The following GIT1 variants were observed in gnomAD, a reference collection of about 807,000 sequenced individuals.
The protein encoded by GIT1 is GIT ArfGAP 1, also known as ARF GTPase-activating protein GIT1.
In GIT1, 14 loss-of-function variants were observed where a neutral mutation model predicts 91.7. That is an observed-to-expected ratio of 0.15 (90% confidence interval 0.10 to 0.24). The LOEUF (loss-of-function observed/expected upper bound fraction) is 0.24, where lower values mean the gene tolerates loss of function less well. Among genes scored for constraint, GIT1 ranks in the 10% least tolerant of loss-of-function variants. The pLI, the probability that GIT1 is intolerant of heterozygous loss-of-function variation, is 1.00. For synonymous variants in GIT1, 414 were observed against 418.2 expected (o/e 0.99, Z 0.12); for missense variants, 717 against 1,024.9 (o/e 0.70, Z 4.10).
rs1000551274 is a variant in GIT1, at chr17:29,574,498, G to A, written c.*204C>T. ...AGAGGGGAGGTGCATGGAATGTGGGGGACAGAAGCTCCTGCCCCCCCACCT... is the reference window on the plus strand; with the variant it reads ...AGAGGGGAGGTGCATGGAATGTGGGAGACAGAAGCTCCTGCCCCCCCACCT... On this transcript the variant is annotated 3_prime_UTR_variant, in exon 20 of 20. Transcript: ENST00000225394. 4.7e-6 allele frequency: 3 copies of A among 637,808 alleles called. No homozygotes were observed. Among genetic ancestry groups the A allele is most frequent in the Non-Finnish European group, 8.4e-6 (3 of 355,900 alleles). The allele number at this position is 637,808 out of a possible 1,614,324, so 39.5% of individuals were successfully genotyped here.
chr17:29,580,086 A>G (rs2033347046), intron 7 of GIT1, among the ~76,000 whole-genome samples: 1 of 151,414 alleles, frequency 6.6e-6, no homozygotes, highest in South Asian at 2.1e-4. Flanking sequence ...CTCTTGCTGC[A>G]CTCCCCCATG....
chr17:29,574,987 T>G (rs932569399), intron 19 of GIT1, 73 bp from the exon 20 acceptor site: 1 of 1,485,566 alleles, frequency 6.7e-7, no homozygotes. Context: ...AGTTTGTCTG[T>G]GTCTCCACCC....
chr17:29,579,777 T>C (rs1477928561), intron 7 of GIT1, among the ~76,000 whole-genome samples: 2 of 151,476 alleles, frequency 1.3e-5, no homozygotes, highest in African/African-American at 2.4e-5. Flanking sequence ...AATCCTCTCC[T>C]CCCTGAAAAA....
intron 1 of GIT1, among the ~76,000 whole-genome samples, chr17:29,584,124 G>A (rs1450304761): frequency 6.6e-6 from 1 of 152,232 alleles, no homozygotes; most frequent in Non-Finnish European, 1.5e-5. Flanking sequence ...CATCATCACT[G>A]AGGGTGTAAG....
rs2033097346 is a variant in GIT1 at position 29,574,180 on chromosome 17, AGGTTGGGGC to A, written c.*513_*521del. 6.6e-6 allele frequency: 1 copy of A among 152,488 alleles called. No homozygotes were observed. The highest frequency in any genetic ancestry group is 6.5e-5 in the Admixed American group (1 of 15,290). The allele number at this position is 152,488 out of a possible 1,614,324, so 9.4% of individuals were successfully genotyped here. The stretch of plus-strand genomic sequence containing the variant: ...TTTGCTGCTGGGGACCCCAGCACAC[AGGTTGGGGC>A]CTGTGCCCTAGGCAGGGGCCATATG... On this transcript the variant is annotated 3_prime_UTR_variant, in exon 20 of 20. Coordinates refer to ENST00000225394, the MANE Select transcript of GIT1 (RefSeq NM_014030.4).
rs2033708226 is a variant in GIT1, at chr17:29,589,080, A to G, written c.52+247T>C. Among the ~76,000 whole-genome samples, 2 of 152,062 alleles carry G rather than the reference A, an allele frequency of 1.3e-5. No homozygotes were observed. Among genetic ancestry groups the G allele is most frequent in the South Asian group, 4.1e-4 (2 of 4,830 alleles). On this transcript the variant is annotated intron_variant, in intron 1 of 19. Transcript: ENST00000225394. This position sits in a 1 kb window ranked among gnomAD's most constrained non-coding sequence, Gnocchi z 5.2. ...GCTGCCCGCCTCCCTCAGACCGAGG[A>G]GCGGGAGGCGGCGCCGGGAACGTCC...
rs756793889 is a variant in GIT1, at chr17:29,574,547, G to A, written c.*155C>T. 2 of 715,426 alleles carry A rather than the reference G, an allele frequency of 2.8e-6. No individual in the cohort carries two copies. Among genetic ancestry groups the A allele is most frequent in the South Asian group, 3.2e-5 (2 of 62,912 alleles). The allele number at this position is 715,426 out of a possible 1,614,324, so 44.3% of individuals were successfully genotyped here. On this transcript the variant is annotated 3_prime_UTR_variant, in exon 20 of 20. Transcript: ENST00000225394. The stretch of plus-strand genomic sequence containing the variant: ...CTCCCCATCCTTAGGGGCTCGACAG[G>A]GGTGGGCACCAGGGCACCTGGCTGC...
Position 29,576,562 on chromosome 17 carries a change from T to C in GIT1, c.1340A>G (p.Asn447Ser). 1.2e-6 allele frequency: 2 copies of C among 1,614,006 alleles called. No homozygotes were observed. Among genetic ancestry groups the C allele is most frequent in the South Asian group, 2.2e-5 (2 of 91,088 alleles). The change falls in exon 13 of 20, where the codon AAC becomes AGC. Residue 447 changes from asparagine to serine, a missense_variant. By Grantham distance (46) the Asn-to-Ser change is conservative. Around this residue, in one of 3 missense-constraint regions of GIT1, gnomAD observed 312 missense variants for 349.5 expected, o/e 0.89. Coordinates refer to ENST00000225394, the MANE Select transcript of GIT1 (RefSeq NM_014030.4). ...CCGGAGCTCGTCGCTCAGGCTACTGTTGACCTTCATGAGCTGCTGCACCTT... is the reference window on the plus strand; with the variant it reads ...CCGGAGCTCGTCGCTCAGGCTACTGCTGACCTTCATGAGCTGCTGCACCTT... ...EAKVQQLMKV[N>S]SSLSDELRRL...
At position 29,575,236 on chromosome 17, in the gene GIT1, C is replaced by A; in HGVS notation, c.2009+52G>T. 2 of 1,576,928 alleles carry A rather than the reference C, an allele frequency of 1.3e-6. No homozygotes were observed. Among genetic ancestry groups the A allele is most frequent in the Non-Finnish European group, 1.7e-6 (2 of 1,155,906 alleles). On this transcript the variant is annotated intron_variant, in intron 18 of 19. Coordinates refer to ENST00000225394, the MANE Select transcript of GIT1 (RefSeq NM_014030.4). The surrounding 1 kb of genome is among the most constrained non-coding windows in gnomAD (Gnocchi z 5.5). ...GGGCCCCTCATGCTCTCTGCAACAC[C>A]CTAGAAGCCAACAGGAACTGCATCC... is the stretch of plus-strand genomic sequence containing the variant.
chr17:29,588,945 A>G (rs2033700373), intron 1 of GIT1, among the ~76,000 whole-genome samples: 1 of 152,032 alleles, frequency 6.6e-6, no homozygotes, highest in South Asian at 2.1e-4. Context: ...GATGACATAA[A>G]ACCACACTCG....
intron 10 of GIT1, 135 bp downstream of exon 10, chr17:29,577,510 C>A (rs2033254309): frequency 5.5e-6 from 4 of 728,024 alleles, no homozygotes; most frequent in Non-Finnish European, 9.9e-6. Flanking sequence ...CTTCCCAAAT[C>A]CCAGTGCCAG....
rs568904145 is a variant in GIT1 at position 29,576,661 on chromosome 17, G to A, written c.1241C>T (p.Ser414Leu). The change falls in exon 13 of 20, where the codon TCG (serine) becomes TTG (leucine). Residue 414 changes from serine to leucine, a missense_variant. By Grantham distance (145) the Ser-to-Leu change is moderately radical (BLOSUM62 -2). Transcript: ENST00000225394. ...RSNRARSMDSSDLSDGAVTLQ... is the reference protein window; with the variant it reads ...RSNRARSMDSLDLSDGAVTLQ... ...CGTCACAGCCCCGTCAGACAAGTCCGAGGAGTCCATGCTCTGCAGAGAGAG... is the reference window on the plus strand; with the variant it reads ...CGTCACAGCCCCGTCAGACAAGTCCAAGGAGTCCATGCTCTGCAGAGAGAG... The A allele has an allele frequency of 1.3e-5, 21 of 1,613,930 alleles. No individual in the cohort carries two copies. The highest frequency in any genetic ancestry group is 2.2e-5 in the East Asian group (1 of 44,884).
intron 9 of GIT1, 23 bp downstream of exon 9, chr17:29,578,276 G>C: frequency 6.2e-7 from 1 of 1,600,402 alleles, no homozygotes; most frequent in African/African-American, 1.3e-5. Flanking sequence ...CTCCACGCCA[G>C]ACACTCCTGC....
rs769006617 is a variant in GIT1 at position 29,574,519 on chromosome 17, C to G, written c.*183G>C. 13 of 661,668 alleles carry G rather than the reference C, an allele frequency of 2.0e-5. No homozygotes were observed. The highest frequency in any genetic ancestry group is 1.9e-4 in the South Asian group (11 of 57,942). 41.0% of individuals were successfully genotyped at this position (661,668 alleles called of 1,614,324 possible). On this transcript the variant is annotated 3_prime_UTR_variant, in exon 20 of 20. Coordinates refer to ENST00000225394, the MANE Select transcript of GIT1 (RefSeq NM_014030.4). ...TGGGGGACAGAAGCTCCTGCCCCCC[C>G]ACCTCCCCATCCTTAGGGGCTCGAC...
Position 29,582,682 on chromosome 17 carries a change from G to A in GIT1, c.405+16C>T. The stretch of plus-strand genomic sequence containing the variant: ...AAGAGGAGGGGGCCACCCATCTGTT[G>A]TAGGGCCCCTCAAACCTTGCTGAGG... On this transcript the variant is annotated intron_variant, in intron 4 of 19. Transcript: ENST00000225394. 6.5e-7 allele frequency: 1 copy of A among 1,544,484 alleles called. No individual in the cohort carries two copies. The highest frequency in any genetic ancestry group is 1.4e-5 in the African/African-American group (1 of 73,650).
intron 2 of GIT1, 42 bp from the exon 3 acceptor site, chr17:29,583,079 G>C: frequency 7.9e-7 from 1 of 1,269,038 alleles, no homozygotes. Context: ...CCCACTGCGT[G>C]CTAAGCAATG....
At chr17:29,578,043 A>T (rs1243517891) in intron 9 of GIT1, among the ~76,000 whole-genome samples, 1 of 152,224 alleles carries the variant, frequency 6.6e-6, no homozygotes, top group East Asian at 1.9e-4. Flanking sequence ...CCAGGGAGAC[A>T]GCCAAAGTGG....
Position 29,583,013 on chromosome 17 carries a change from C to T in GIT1, c.211G>A (p.Gly71Arg), listed in dbSNP as rs2033455843. ...LQMVHTLASN[G>R]ANSIWEHSLL... ...GAGTGCTCCCAGATGGAGTTGGCCC[C>T]GTTGCTGGCAAGCGTGTGCACCATC... is the stretch of plus-strand genomic sequence containing the variant. The change falls in exon 3 of 20, where the codon GGG becomes AGG. Residue 71 changes from glycine (G) to arginine (R), a missense_variant. Gly to Arg is a moderately radical substitution (Grantham distance 125). Coordinates refer to ENST00000225394, the MANE Select transcript of GIT1 (RefSeq NM_014030.4). The T allele has an allele frequency of 1.9e-6, 3 of 1,610,824 alleles. No homozygotes were observed. Among genetic ancestry groups the T allele is most frequent in the Non-Finnish European group, 1.7e-6 (2 of 1,179,302 alleles).
chr17:29,578,678 G>C (rs2033297523), intron 8 of GIT1, 53 bp downstream of exon 8: 1 of 1,461,882 alleles, frequency 6.8e-7, no homozygotes, highest in African/African-American at 1.4e-5. Flanking sequence ...AGAGGGTGGG[G>C]GATCAGAGAG....
Sources: allele counts gnomAD v4.1 joint callset (sites outside exome capture counted in the v4.1 genomes callset), GRCh38; gene constraint gnomAD v4.1.1; regional missense constraint gnomAD v4.1.1; non-coding constraint Gnocchi (gnomAD v3.1); transcripts MANE v1.5; gene names NCBI Gene and HGNC (gene_info 2026-07-23, HGNC 2026-07-21).